IQSEC1: variants seen among roughly 807,000 people sequenced by gnomAD.
The protein encoded by IQSEC1 is IQ motif and SEC7 domain-containing protein 1.
A neutral mutation model predicts 91.0 loss-of-function variants in IQSEC1; 31 were observed. The ratio of observed to expected loss-of-function variants is 0.34; its 90% CI spans 0.26 to 0.46. The LOEUF (loss-of-function observed/expected upper bound fraction) is 0.46, where lower values mean the gene tolerates loss of function less well. Ranked by LOEUF, IQSEC1 falls within the 20% of genes least tolerant of loss-of-function variation. The pLI, the probability that IQSEC1 is intolerant of heterozygous loss-of-function variation, is 1.00. For synonymous variants in IQSEC1, 699 were observed against 662.6 expected (o/e 1.05, Z -0.84); for missense variants, 1,388 against 1,575.6 (o/e 0.88, Z 2.02).
intron 6 of IQSEC1, among the ~76,000 whole-genome samples, chr3:12,917,025 G>A (rs1157683180): frequency 6.6e-6 from 1 of 152,152 alleles, no homozygotes; most frequent in Non-Finnish European, 1.5e-5. Context: ...TGAGCAGGTG[G>A]GGCAGGGTGG....
rs757644924 is a variant in IQSEC1, at chr3:12,908,311, C to T, written c.2755+38G>A. ...AGACGCCCTGCCTCGGTCTTGCATG[C>T]GCTGGGCTAGCAAGGTGGTTCTAGG... On this transcript the variant is annotated intron_variant, in intron 12 of 13. Transcript: ENST00000613206. The surrounding 1 kb of genome is among the most constrained non-coding windows in gnomAD (Gnocchi z 4.9). The T allele has an allele frequency of 2.2e-5, 36 of 1,603,646 alleles. No individual in the cohort carries two copies. Among genetic ancestry groups the T allele is most frequent in the Non-Finnish European group, 2.7e-5 (32 of 1,175,216 alleles).
At position 13,182,900 on chromosome 3, in the gene IQSEC1, C is replaced by T. The variant is rs145169979; in HGVS notation, c.273-18767G>A. Among the ~76,000 whole-genome samples the T allele has an allele frequency of 4.5e-3, 681 of 152,318 alleles. 9 individuals are homozygous for T. The highest frequency in any genetic ancestry group is 0.016 in the African/African-American group (658 of 41,572). ...AAAAAGTAGGCCGGTCGCAGTGGCT[C>T]ACGCCTGTAATCCCAGCAGTTTGGG... On this transcript the variant is annotated intron_variant, in intron 1 of 15. Transcript: ENST00000648114.
Position 12,902,822 on chromosome 3 carries a change from C to T in IQSEC1, c.2756G>A (p.Gly919Glu). 6.2e-7 allele frequency: 1 copy of T among 1,612,896 alleles called. No homozygotes were observed. Among genetic ancestry groups the T allele is most frequent in the East Asian group, 2.2e-5 (1 of 44,876 alleles). The change falls in exon 13 of 14, where the codon GGG becomes GAG. Residue 919 changes from glycine to glutamate, a missense_variant and splice_region_variant. Physicochemically the swap from Gly to Glu is moderately conservative, Grantham distance 98 (BLOSUM62 -2). Transcript: ENST00000613206. ...SSSLRDLSEA[G>E]KRGRRSSAGS... ...CGCACTGCTGCGACGCCCTCGCTTC[C>T]CTGCCCAGAACATGCAATACCAGAA...
rs1248280128 is a variant in IQSEC1, at chr3:13,062,118, G to A, written c.23+10874C>T. Reference sequence around the variant, plus strand: ...CCAGATCGTGGGCTATTCACTGACAGTAATCACGGAAATCCCTTTGACTTG... The same window carrying A: ...CCAGATCGTGGGCTATTCACTGACAATAATCACGGAAATCCCTTTGACTTG... On this transcript the variant is annotated intron_variant, in intron 1 of 13. Transcript: ENST00000613206. Among the ~76,000 whole-genome samples, 14 of 152,344 alleles carry A rather than the reference G, an allele frequency of 9.2e-5. No individual in the cohort carries two copies. In the East Asian group the frequency reaches 2.7e-3, roughly 29 times the overall value.
intron 1 of IQSEC1, among the ~76,000 whole-genome samples, chr3:13,256,467 T>C (rs1346554080): frequency 1.3e-5 from 2 of 152,230 alleles, no homozygotes; most frequent in African/African-American, 2.4e-5. Flanking sequence ...ACTGTGGTTA[T>C]AACCCACGGC....
chr3:13,021,448 G>A (rs910598927), intron 1 of IQSEC1, among the ~76,000 whole-genome samples: 1 of 152,220 alleles, frequency 6.6e-6, no homozygotes, highest in Non-Finnish European at 1.5e-5. Flanking sequence ...ACCGCACCGG[G>A]CCCTGATCTT....
intron 1 of IQSEC1, among the ~76,000 whole-genome samples, chr3:12,971,132 TTA>T (rs912324104): frequency 2.0e-5 from 3 of 152,234 alleles, no homozygotes; most frequent in African/African-American, 7.2e-5. Context: ...ACATACAATA[TTA>T]ATGCGCACAT....
chr3:12,991,347 GC>G (rs1701980978), intron 1 of IQSEC1, among the ~76,000 whole-genome samples: 1 of 152,184 alleles, frequency 6.6e-6, no homozygotes, highest in Non-Finnish European at 1.5e-5. Context: ...AAGGCAGGGG[GC>G]TCCAGAAAAT....
At chr3:12,956,892 G>A (rs140766294) in intron 1 of IQSEC1, among the ~76,000 whole-genome samples, 56 of 152,302 alleles carry the variant, frequency 3.7e-4, no homozygotes, top group East Asian at 1.2e-3. Context: ...CTCCTGCTCC[G>A]CTTGCCCAAC....
chr3:12,965,335 A>G (rs1018747723), intron 1 of IQSEC1, among the ~76,000 whole-genome samples: 6 of 152,326 alleles, frequency 3.9e-5, no homozygotes, highest in African/African-American at 1.4e-4. Context: ...ACCGTGCTGC[A>G]TCCCATCCGG....
chr3:12,934,791 C>T (rs1350318953), intron 3 of IQSEC1, among the ~76,000 whole-genome samples: 1 of 152,130 alleles, frequency 6.6e-6, no homozygotes, highest in Non-Finnish European at 1.5e-5. Flanking sequence ...TGGTCAACGG[C>T]ACCTTTCCAG....
intron 1 of IQSEC1, among the ~76,000 whole-genome samples, chr3:13,040,477 G>A (rs183500185): frequency 6.6e-6 from 1 of 152,204 alleles, no homozygotes; most frequent in Non-Finnish European, 1.5e-5. Flanking sequence ...ATAGGTCAGG[G>A]GAGGGGACAA....
rs1037514978 is a variant in IQSEC1 at position 12,967,763 on chromosome 3, C to G, written c.24-25898G>C. 3.0e-5 allele frequency: 29 copies of G among 952,860 alleles called. No homozygotes were observed. The highest frequency in any genetic ancestry group is 3.2e-5 in the Non-Finnish European group (25 of 791,120). 59.0% of individuals were successfully genotyped at this position (952,860 alleles called of 1,614,324 possible). A position where few individuals can be genotyped will look rare whatever the true frequency, so the allele number is the denominator to read the frequency against. ...GCAGGGCGGGGGCGGGGCCGGAGGG[C>G]GAGCTGGGGGCGGGGCCGGAGGGCG... On this transcript the variant is annotated intron_variant, in intron 1 of 13. Transcript: ENST00000613206. The surrounding 1 kb of genome is among the most constrained non-coding windows in gnomAD (Gnocchi z 5.9).
At chr3:13,145,807 G>A (rs556541576) in intron 2 of IQSEC1, among the ~76,000 whole-genome samples, 2 of 74,698 alleles carry the variant, frequency 2.7e-5, no homozygotes, top group Admixed American at 1.3e-4. Context: ...CCGGGGGCGG[G>A]GGGGGGGGGT....
rs1357808107 is a variant in IQSEC1, at chr3:13,282,894, G to T, written c.89C>A (p.Ala30Glu). Reference sequence around the variant, plus strand: ...CTCCTCGATGCGCCGTCGCCGGCGCGCCAGCAGCTCCTGCTGCGCGGCGAC... The same window carrying T: ...CTCCTCGATGCGCCGTCGCCGGCGCTCCAGCAGCTCCTGCTGCGCGGCGAC... The change falls in exon 1 of 16, where the codon GCG becomes GAG. Residue 30 changes from alanine to glutamate, a missense_variant. Coordinates refer to the IQSEC1 transcript ENST00000648114. This position sits in a 1 kb window ranked among gnomAD's most constrained non-coding sequence, Gnocchi z 6.4. Among the ~76,000 whole-genome samples, 1 of 147,428 alleles carries T rather than the reference G, an allele frequency of 6.8e-6. No homozygotes were observed. Among genetic ancestry groups the T allele is most frequent in the Non-Finnish European group, 1.5e-5 (1 of 66,188 alleles).
At chr3:13,027,756 G>A (rs1703677886) in intron 1 of IQSEC1, among the ~76,000 whole-genome samples, 2 of 152,132 alleles carry the variant, frequency 1.3e-5, no homozygotes, top group Admixed American at 6.6e-5. Flanking sequence ...AGGCAGAACG[G>A]GGGGACTCCG....
At chr3:13,138,126 A>C (rs781583336) in intron 2 of IQSEC1, among the ~76,000 whole-genome samples, 1 of 152,102 alleles carries the variant, frequency 6.6e-6, no homozygotes, top group Non-Finnish European at 1.5e-5. Flanking sequence ...GGGGATGACA[A>C]ATGGCTGGCA....
chr3:13,174,841 C>A (rs796611275), intron 1 of IQSEC1, among the ~76,000 whole-genome samples: 364 of 151,586 alleles, frequency 2.4e-3, no homozygotes, highest in African/African-American at 8.2e-3. Context: ...GCTCCCCCCC[C>A]CCACCTCCTC....
intron 1 of IQSEC1, among the ~76,000 whole-genome samples, chr3:13,236,177 C>T (rs542557020): frequency 7.9e-5 from 12 of 152,260 alleles, no homozygotes; most frequent in Non-Finnish European, 1.5e-4. Flanking sequence ...GCAAGCTCCC[C>T]ACTGAGAAGC....
Sources: gnomAD v4.1 joint callset for allele counts (sites outside exome capture counted in the v4.1 genomes callset) on GRCh38, gnomAD v4.1.1 for gene constraint, Gnocchi (gnomAD v3.1) non-coding constraint, MANE v1.5 for transcripts, NCBI Gene and HGNC (gene_info 2026-07-23, HGNC 2026-07-21) for gene names.